The following PRIMA1 variants were observed in gnomAD, a reference collection of about 807,000 sequenced individuals.
PRIMA1 encodes proline rich membrane anchor 1.
In PRIMA1, 7 loss-of-function variants were observed where a neutral mutation model predicts 17.5. The observed-to-expected ratio is 0.40, with a 90% CI of 0.23 to 0.75. The LOEUF (loss-of-function observed/expected upper bound fraction) is 0.75, where lower values mean the gene tolerates loss of function less well. Among genes scored for constraint, PRIMA1 ranks in the 30% least tolerant of loss-of-function variants. The pLI is 0.37. For synonymous variants in PRIMA1, 97 were observed against 77.9 expected, an observed-to-expected ratio of 1.25 and a Z score of -1.29; for missense variants, 200 against 201.8, an observed-to-expected ratio of 0.99 and a Z score of 0.05.
At chr14:93,759,348 C>A (rs1157876116) in intron 3 of PRIMA1, among the ~76,000 whole-genome samples, 2 of 152,146 alleles carry the variant, frequency 1.3e-5, no homozygotes, top group Non-Finnish European at 2.9e-5. Context: ...AAAACCTAGA[C>A]ACCCCCATTT....
chr14:93,725,288 C>G (rs2141150543), intron 4 of PRIMA1, among the ~76,000 whole-genome samples: 1 of 152,224 alleles, frequency 6.6e-6, no homozygotes, highest in South Asian at 2.1e-4. Context: ...GGGAGGGTGG[C>G]AGCCGAGGGC....
chr14:93,732,610 GCCTGGCACCTGGT>G lies in PRIMA1; in HGVS notation c.359+4618_359+4630del, dbSNP rs1241362780. Among the ~76,000 whole-genome samples the G allele has an allele frequency of 2.0e-5, 3 of 152,246 alleles. No individual in the cohort carries two copies. The East Asian group carries it at 5.8e-4, about 29-fold the overall frequency. Reference sequence around the variant, plus strand: ...GTGGTGCCCACTCCTGTAGCCCAGTGCCTGGCACCTGGTCCTGGCACCTGGCCCAGCCCTGGCG... The same window carrying G: ...GTGGTGCCCACTCCTGTAGCCCAGTGCCTGGCACCTGGCCCAGCCCTGGCG... On this transcript the variant is annotated intron_variant, in intron 4 of 4. Transcript: ENST00000393140.
intron 3 of PRIMA1, among the ~76,000 whole-genome samples, chr14:93,758,961 CTG>C (rs1455507212): frequency 6.6e-6 from 1 of 152,160 alleles, no homozygotes; most frequent in Non-Finnish European, 1.5e-5. Flanking sequence ...TTGCATCTCT[CTG>C]TTGTTGGCAG....
chr14:93,759,905 C>T (rs1402853093), intron 3 of PRIMA1, among the ~76,000 whole-genome samples: 1 of 152,230 alleles, frequency 6.6e-6, no homozygotes, highest in African/African-American at 2.4e-5. Flanking sequence ...CTGGAAGCTT[C>T]CCAGACAGGC....
At chr14:93,729,474 G>A (rs576102221) in intron 4 of PRIMA1, among the ~76,000 whole-genome samples, 219 of 152,334 alleles carry the variant, frequency 1.4e-3, no homozygotes, top group African/African-American at 4.3e-3. Flanking sequence ...CAGGGCCCCA[G>A]GAATGCACCA....
chr14:93,779,884 A>G (rs1885330474), intron 2 of PRIMA1, among the ~76,000 whole-genome samples: 1 of 152,212 alleles, frequency 6.6e-6, no homozygotes, highest in South Asian at 2.1e-4. Flanking sequence ...CAAAGGGAGC[A>G]GAGCAACCTG....
intron 3 of PRIMA1, 29 bp from the exon 4 acceptor site, chr14:93,737,399 C>T: frequency 6.2e-7 from 1 of 1,609,574 alleles, no homozygotes. Flanking sequence ...GCCTGAGTGT[C>T]ACCTGGATGA....
At chr14:93,731,455 G>T (rs997001891) in intron 4 of PRIMA1, among the ~76,000 whole-genome samples, 2 of 152,156 alleles carry the variant, frequency 1.3e-5, no homozygotes, top group African/African-American at 2.4e-5. Context: ...GAGCACATTT[G>T]ACATTTTAAG....
intron 3 of PRIMA1, among the ~76,000 whole-genome samples, chr14:93,751,065 C>T (rs532355368): frequency 7.9e-5 from 12 of 152,352 alleles, no homozygotes; most frequent in African/African-American, 2.6e-4. Flanking sequence ...CTGGAAGGCT[C>T]GGGGGAGCTG....
At chr14:93,787,779 G>A in intron 1 of PRIMA1, 30 bp from the exon 2 acceptor site, 1 of 1,521,278 alleles carries the variant, frequency 6.6e-7, no homozygotes, top group Non-Finnish European at 8.8e-7. Context: ...AGGGTCAGGC[G>A]GACACCGCGC....
intron 3 of PRIMA1, among the ~76,000 whole-genome samples, chr14:93,768,395 G>A (rs1884955160): frequency 6.6e-6 from 1 of 152,146 alleles, no homozygotes. Flanking sequence ...TTTTGATACA[G>A]GTCTCTTTGT....
At position 93,779,268 on chromosome 14, in the gene PRIMA1, T is replaced by C. The variant is rs1885314242; in HGVS notation, c.137A>G (p.Asp46Gly). 3 of 1,544,584 alleles carry C rather than the reference T, an allele frequency of 1.9e-6. No homozygotes were observed. The South Asian group carries it at 3.8e-5, about 19-fold the overall frequency. ...EPQKSCSKVT[D>G]SCRHVCQCRP... ...GCACTGGCAGACGTGTCGGCAGCTGTCAGTCACTTTGGAGCAGGACTTCTG... is the reference window on the plus strand; with the variant it reads ...GCACTGGCAGACGTGTCGGCAGCTGCCAGTCACTTTGGAGCAGGACTTCTG... Residue 46 changes from aspartate (D) to glycine (G), a missense_variant, in exon 3 of 5, where the codon GAC (aspartate) becomes GGC (glycine). By Grantham distance (94) the Asp-to-Gly change is moderately conservative. Coordinates refer to ENST00000393140, the MANE Select transcript of PRIMA1 (RefSeq NM_178013.4).
chr14:93,727,124 C>G (rs1296866428), intron 4 of PRIMA1, among the ~76,000 whole-genome samples: 4 of 152,188 alleles, frequency 2.6e-5, no homozygotes, highest in Non-Finnish European at 5.9e-5. Flanking sequence ...ATGCGGCAGA[C>G]AAGCGTCCTC....
At chr14:93,761,337 C>T (rs577659848) in intron 3 of PRIMA1, among the ~76,000 whole-genome samples, 4 of 151,916 alleles carry the variant, frequency 2.6e-5, no homozygotes, top group African/African-American at 9.7e-5. Context: ...GGCAACAGAG[C>T]GAGACTCTGT....
intron 3 of PRIMA1, among the ~76,000 whole-genome samples, chr14:93,746,144 C>T (rs1334377761): frequency 6.6e-6 from 1 of 152,064 alleles, no homozygotes; most frequent in African/African-American, 2.4e-5. Flanking sequence ...ACTTATGCCC[C>T]TAATTGGTTT....
At chr14:93,742,174 A>G (rs1053659538) in intron 3 of PRIMA1, among the ~76,000 whole-genome samples, 9 of 152,260 alleles carry the variant, frequency 5.9e-5, no homozygotes, top group African/African-American at 1.9e-4. Flanking sequence ...AGTGGTTTTT[A>G]AAAGAGGCAA....
chr14:93,733,858 A>T (rs1195920648), intron 4 of PRIMA1, among the ~76,000 whole-genome samples: 1 of 152,198 alleles, frequency 6.6e-6, no homozygotes, highest in African/African-American at 2.4e-5. Context: ...GGCCTGAGTG[A>T]GGATGCTATC....
At chr14:93,784,712 A>G (rs1398308593) in intron 2 of PRIMA1, among the ~76,000 whole-genome samples, 1 of 151,958 alleles carries the variant, frequency 6.6e-6, no homozygotes, top group Non-Finnish European at 1.5e-5. Context: ...CTAACTTCTC[A>G]TCCTTCATGT....
chr14:93,784,782 T>C (rs1035114119), intron 2 of PRIMA1, among the ~76,000 whole-genome samples: 1 of 152,216 alleles, frequency 6.6e-6, no homozygotes, highest in African/African-American at 2.4e-5. Context: ...TCCAAGCTGT[T>C]TGCTCTTGCT....
Sources: gnomAD v4.1 joint callset for allele counts (sites outside exome capture counted in the v4.1 genomes callset) on GRCh38, gnomAD v4.1.1 for gene constraint, MANE v1.5 for transcripts, NCBI Gene and HGNC (gene_info 2026-07-23, HGNC 2026-07-21) for gene names.